Variants in RANBP2 observed in about 807,000 individuals in gnomAD.
The protein encoded by RANBP2 is E3 SUMO-protein ligase RanBP2.
RANBP2 carries 57 observed loss-of-function variants against 303.6 expected under a neutral mutation model. That is an observed-to-expected ratio of 0.19 (90% CI 0.15 to 0.23). The LOEUF is 0.23. Among genes scored for constraint, RANBP2 ranks in the 10% least tolerant of loss-of-function variants. The probability of loss-of-function intolerance (pLI) is 1.00; values close to 1 mark genes in which losing one functional copy is unlikely to be tolerated. For synonymous variants in RANBP2, 1,167 were observed against 1,301.5 expected, an observed-to-expected ratio of 0.90 and a Z score of 2.23; for missense variants, 3,138 against 3,780.8, an observed-to-expected ratio of 0.83 and a Z score of 4.46.
the RANBP2 span, among the ~76,000 whole-genome samples, chr2:109,723,018 C>T: frequency 6.6e-6 from 1 of 152,188 alleles, no homozygotes; most frequent in Admixed American, 6.5e-5. Flanking sequence ...GGTATTTCTG[C>T]TTCTAGATCT....
At chr2:109,388,644 A>G in the RANBP2 span, among the ~76,000 whole-genome samples, 1 of 152,218 alleles carries the variant, frequency 6.6e-6, no homozygotes, top group Non-Finnish European at 1.5e-5. Context: ...ACACCTATGC[A>G]TGGAATAGGT....
At chr2:108,788,838 T>C (rs951231310), downstream of RANBP2, 1 of 1,613,860 alleles carries the variant, frequency 6.2e-7, no homozygotes, top group Non-Finnish European at 8.5e-7. Context: ...TCATGGTTTC[T>C]TTGTCGTTGA....
chr2:108,791,636 A>G, the RANBP2 span: 1 of 1,589,540 alleles, frequency 6.3e-7, no homozygotes. Context: ...GTGCTATAGT[A>G]AACTTCTAGA....
the RANBP2 span, among the ~76,000 whole-genome samples, chr2:109,693,435 A>G: frequency 6.6e-6 from 1 of 152,206 alleles, no homozygotes; most frequent in Non-Finnish European, 1.5e-5. Flanking sequence ...CTGGTATTAC[A>G]GGTGTGAGCC....
chr2:109,412,599 C>G, the RANBP2 span, among the ~76,000 whole-genome samples: 1 of 152,170 alleles, frequency 6.6e-6, no homozygotes, highest in East Asian at 1.9e-4. Context: ...TCACCCCTGC[C>G]CTTTGTCAGC....
intron 25 of RANBP2, among the ~76,000 whole-genome samples, chr2:108,780,198 CTT>C (rs572170306): frequency 7.3e-6 from 1 of 137,148 alleles, no homozygotes; most frequent in Non-Finnish European, 1.6e-5. Context: ...CCTTTTTTTC[CTT>C]TTTTTTTTTG....
chr2:108,852,513 G>A, the RANBP2 span, among the ~76,000 whole-genome samples: 3 of 152,110 alleles, frequency 2.0e-5, no homozygotes, highest in East Asian at 1.9e-4. Flanking sequence ...AATGCCCATC[G>A]AAGATAACCT....
chr2:109,464,982 C>T, the RANBP2 span, among the ~76,000 whole-genome samples: 19 of 152,226 alleles, frequency 1.2e-4, no homozygotes, highest in Admixed American at 5.2e-4. Context: ...ATCACTCTTT[C>T]ACATCTAACT....
At chr2:109,613,382 G>A in the RANBP2 span, 1 of 327,586 alleles carries the variant, frequency 3.1e-6, no homozygotes, top group Non-Finnish European at 6.0e-6. Context: ...AGGGGAGCCG[G>A]GCTTTCTCCC....
At chr2:108,804,679 T>C in the RANBP2 span, among the ~76,000 whole-genome samples, 3 of 152,216 alleles carry the variant, frequency 2.0e-5, no homozygotes, top group Non-Finnish European at 4.4e-5. Context: ...AATAAGTATG[T>C]TGTAAATGCC....
intron 1 of RANBP2, among the ~76,000 whole-genome samples, chr2:108,726,083 C>T (rs1257756795): frequency 3.3e-5 from 5 of 152,068 alleles, no homozygotes; most frequent in African/African-American, 7.2e-5. Context: ...CTGTGTCACC[C>T]GTGGTCCAAA....
At chr2:109,096,954 G>A in the RANBP2 span, among the ~76,000 whole-genome samples, 1 of 151,972 alleles carries the variant, frequency 6.6e-6, no homozygotes, top group African/African-American at 2.4e-5. Context: ...CTGTGATTCC[G>A]TCTCTAACCA....
At chr2:109,370,346 T>A in the RANBP2 span, among the ~76,000 whole-genome samples, 1 of 152,002 alleles carries the variant, frequency 6.6e-6, no homozygotes, top group Non-Finnish European at 1.5e-5. Flanking sequence ...TTCAAGCGAT[T>A]CTCCTGCCTC....
At chr2:108,955,887 G>C in the RANBP2 span, among the ~76,000 whole-genome samples, 2 of 151,762 alleles carry the variant, frequency 1.3e-5, no homozygotes, top group Non-Finnish European at 2.9e-5. Flanking sequence ...AAATTAGCCG[G>C]GCATGGTGGC....
chr2:109,231,725 A>G, the RANBP2 span, among the ~76,000 whole-genome samples: 22 of 152,222 alleles, frequency 1.4e-4, no homozygotes, highest in Non-Finnish European at 2.9e-5. Context: ...CTTACCGTGC[A>G]TGCTAAAAGA....
the RANBP2 span, among the ~76,000 whole-genome samples, chr2:109,229,458 G>T: frequency 6.6e-6 from 1 of 152,164 alleles, no homozygotes; most frequent in Non-Finnish European, 1.5e-5. Flanking sequence ...GGACTCCTCT[G>T]GCTATGACAG....
the RANBP2 span, among the ~76,000 whole-genome samples, chr2:109,486,820 T>C: frequency 6.6e-6 from 1 of 152,152 alleles, no homozygotes; most frequent in Non-Finnish European, 1.5e-5. Flanking sequence ...CAGCAGCCCA[T>C]CACTTCCATG....
chr2:109,080,836 ACT>A, the RANBP2 span, among the ~76,000 whole-genome samples: 146 of 152,326 alleles, frequency 9.6e-4, no homozygotes, highest in Non-Finnish European at 1.8e-3. Context: ...ATTAATTAGA[ACT>A]CTCTGTTGCA....
chr2:109,271,459 T>C, the RANBP2 span, among the ~76,000 whole-genome samples: 112 of 152,336 alleles, frequency 7.4e-4, 1 homozygote, highest in East Asian at 1.9e-4. Context: ...ATACAGACCA[T>C]ATTGCTGTTC....
Sources: gnomAD v4.1 joint callset for allele counts (sites outside exome capture counted in the v4.1 genomes callset) on GRCh38, gnomAD v4.1.1 for gene constraint, MANE v1.5 for transcripts, NCBI Gene and HGNC (gene_info 2026-07-23, HGNC 2026-07-21) for gene names.